FAAH2: variants seen among roughly 807,000 people sequenced by gnomAD.
FAAH2 encodes the protein fatty acid amide hydrolase 2, also known as fatty-acid amide hydrolase 2.
FAAH2 carries 60 observed loss-of-function variants against 36.9 expected under a neutral mutation model. The observed-to-expected ratio is 1.63, with a 90% CI of 1.32 to 2.02. The LOEUF (loss-of-function observed/expected upper bound fraction) is 2.02. FAAH2 is among the 30% of genes most tolerant of loss of function. The pLI, the probability that FAAH2 is intolerant of heterozygous loss-of-function variation, is 0.00. For synonymous variants in FAAH2, 214 were observed against 143.8 expected, an observed-to-expected ratio of 1.49 and a Z score of -3.49; for missense variants, 689 against 397.5, an observed-to-expected ratio of 1.73 and a Z score of -6.23.
the FAAH2 span, among the ~76,000 whole-genome samples, chrX:57,196,566 A>G: frequency 2.7e-5 from 3 of 111,524 alleles, no homozygotes; most frequent in Non-Finnish European, 5.7e-5. Context: ...TTTCTCTTGA[A>G]TGATTGCTTT....
chrX:57,234,545 GCTT>G, the FAAH2 span, among the ~76,000 whole-genome samples: 1 of 111,739 alleles, frequency 8.9e-6, no homozygotes, highest in Non-Finnish European at 1.9e-5. Context: ...GGATGCCTGA[GCTT>G]CTTTTCCTGC....
intron 10 of FAAH2, among the ~76,000 whole-genome samples, chrX:57,481,265 A>G (rs945248512): frequency 9.0e-6 from 1 of 110,693 alleles, no homozygotes; most frequent in Admixed American, 9.7e-5. Flanking sequence ...CTCATTCTCT[A>G]TCCAGTTTTG....
chrX:57,256,370 C>T, the FAAH2 span, among the ~76,000 whole-genome samples: 1 of 111,617 alleles, frequency 9.0e-6, no homozygotes, highest in African/African-American at 3.3e-5. Flanking sequence ...AGATTCAGTG[C>T]TATCCCCATC....
chrX:57,432,021 A>G lies in FAAH2; in HGVS notation c.1100A>G (p.Lys367Arg). The change falls in exon 8 of 11, where the codon AAG (lysine) becomes AGG (arginine). Residue 367 changes from lysine (K) to arginine (R), a missense_variant. Coordinates refer to ENST00000374900, the MANE Select transcript of FAAH2 (RefSeq NM_174912.4). ...TTGTGGATCGCAATGATGTCAGCAA[A>G]GGGACATGATGGGAAGGTATTTTTA... ...FQLWIAMMSA[K>R]GHDGKEPVKF... The G allele has an allele frequency of 8.3e-7, 1 of 1,201,126 alleles. No individual in the cohort carries two copies. The highest frequency in any genetic ancestry group is 1.7e-5 in the African/African-American group (1 of 57,368).
chrX:57,402,560 A>T (rs983789756), intron 7 of FAAH2, among the ~76,000 whole-genome samples: 1 of 111,993 alleles, frequency 8.9e-6, no homozygotes, highest in Non-Finnish European at 1.9e-5. Flanking sequence ...TAATGTCTGC[A>T]GCTGTCTGAG....
At chrX:57,362,022 G>T (rs922396427) in intron 5 of FAAH2, among the ~76,000 whole-genome samples, 1 of 111,254 alleles carries the variant, frequency 9.0e-6, no homozygotes, top group African/African-American at 3.3e-5. Context: ...GACTATCAGA[G>T]CTCCTCATAA....
chrX:57,306,811 CATATATACACT>C (rs1162714618), intron 2 of FAAH2, among the ~76,000 whole-genome samples: 2 of 86,623 alleles, frequency 2.3e-5, no homozygotes, highest in Non-Finnish European at 4.5e-5. Context: ...TTATATACAC[CATATATACACT>C]ATATATATAC....
intron 10 of FAAH2, among the ~76,000 whole-genome samples, chrX:57,457,704 A>AAG (rs2056886107): frequency 9.2e-6 from 1 of 108,776 alleles, no homozygotes; most frequent in Admixed American, 9.9e-5. Context: ...TAGCCACAAA[A>AAG]AAAAAAAAAA....
At chrX:57,401,013 C>T (rs1056908980) in intron 7 of FAAH2, among the ~76,000 whole-genome samples, 2 of 111,389 alleles carry the variant, frequency 1.8e-5, no homozygotes, top group Middle Eastern at 4.6e-3. Context: ...GTCCCAGCCA[C>T]TTGGGAGGCT....
At chrX:57,182,841 C>T in the FAAH2 span, among the ~76,000 whole-genome samples, 2 of 111,759 alleles carry the variant, frequency 1.8e-5, no homozygotes, top group Non-Finnish European at 3.8e-5. Flanking sequence ...TACATATACA[C>T]CATAGAATAT....
At chrX:57,468,285 G>T (rs1056248784) in intron 10 of FAAH2, among the ~76,000 whole-genome samples, 1 of 110,928 alleles carries the variant, frequency 9.0e-6, no homozygotes, top group Non-Finnish European at 1.9e-5. Context: ...GGCTTCAGAT[G>T]ATCAAACTTC....
At chrX:57,405,831 A>T (rs2147319705) in intron 7 of FAAH2, among the ~76,000 whole-genome samples, 1 of 103,263 alleles carries the variant, frequency 9.7e-6, no homozygotes, top group South Asian at 4.7e-4. Flanking sequence ...TTTTCAATAT[A>T]TTTATCTCAT....
At chrX:57,244,968 C>G in the FAAH2 span, among the ~76,000 whole-genome samples, 2 of 111,277 alleles carry the variant, frequency 1.8e-5, no homozygotes, top group African/African-American at 6.5e-5. Context: ...CATTGGTGTG[C>G]TGTATTCAGG....
At chrX:57,302,613 A>T (rs2052406390) in intron 2 of FAAH2, among the ~76,000 whole-genome samples, 1 of 111,283 alleles carries the variant, frequency 9.0e-6, no homozygotes, top group African/African-American at 3.3e-5. Context: ...TTTCTGGAGA[A>T]AGTGATATAA....
intron 7 of FAAH2, chrX:57,393,122 C>A: frequency 9.7e-7 from 1 of 1,029,791 alleles, no homozygotes; most frequent in South Asian, 1.9e-5. Flanking sequence ...CCTCTGTTCT[C>A]TGGAAAGGCA....
chrX:57,460,636 G>C (rs1158605321), intron 10 of FAAH2, among the ~76,000 whole-genome samples: 1 of 111,743 alleles, frequency 8.9e-6, no homozygotes, highest in African/African-American at 3.3e-5. Flanking sequence ...TGCCTTACAA[G>C]AGATCCTGAA....
At chrX:57,280,657 A>T in the FAAH2 span, among the ~76,000 whole-genome samples, 2 of 111,277 alleles carry the variant, frequency 1.8e-5, no homozygotes, top group African/African-American at 6.5e-5. Context: ...CTTCAAAAAA[A>T]AAAAAACACT....
chrX:57,205,308 A>G, the FAAH2 span, among the ~76,000 whole-genome samples: 1 of 112,705 alleles, frequency 8.9e-6, no homozygotes, highest in East Asian at 2.8e-4. Flanking sequence ...GAAAATGTCT[A>G]GCGTTAAATA....
intron 3 of FAAH2, among the ~76,000 whole-genome samples, chrX:57,317,313 T>G (rs2052870355): frequency 8.9e-6 from 1 of 111,821 alleles, no homozygotes; most frequent in Non-Finnish European, 1.9e-5. Flanking sequence ...AATAAAAGGA[T>G]GGAGGAATAT....
Sources: allele counts gnomAD v4.1 joint callset (sites outside exome capture counted in the v4.1 genomes callset), GRCh38; gene constraint gnomAD v4.1.1; transcripts MANE v1.5; gene names NCBI Gene and HGNC (gene_info 2026-07-23, HGNC 2026-07-21).